ARHGAP12: variants seen among roughly 807,000 people sequenced by gnomAD.
ARHGAP12 encodes the protein Rho GTPase activating protein 12.
ARHGAP12 carries 64 observed loss-of-function variants against 108.6 expected under a neutral mutation model. That is an observed-to-expected ratio of 0.59 (90% CI 0.48 to 0.73). ARHGAP12 has a LOEUF of 0.73. ARHGAP12 is among the 30% of genes least tolerant of loss of function. ARHGAP12 has a pLI of 0.00. For synonymous variants in ARHGAP12, 312 were observed against 337.2 expected (o/e 0.93, Z 0.82); for missense variants, 940 against 1,005.9 (o/e 0.93, Z 0.89).
In ARHGAP12 at chr10:31,807,763, T is replaced by C. The variant is rs1215199220; in HGVS notation, c.2436A>G (p.Leu812=). 1.2e-6 allele frequency: 2 copies of C among 1,608,268 alleles called. No homozygotes were observed. The highest frequency in any genetic ancestry group is 2.2e-5 in the East Asian group (1 of 44,592). The change falls in exon 20 of 20, where the codon CTA becomes CTG. Residue 812 remains leucine (L), a synonymous_variant. Coordinates refer to ENST00000344936, the MANE Select transcript of ARHGAP12 (RefSeq NM_018287.7). The stretch of plus-strand genomic sequence containing the variant: ...TACCAGTCTCTTTTTCTGGTTTTAA[T>C]AGAGTGGGACCAAAAACAATTGCTA... ...QSIAIVFGPT[L]LKPEKETGNI...
intron 3 of ARHGAP12, among the ~76,000 whole-genome samples, chr10:31,870,046 A>T (rs1837480352): frequency 6.6e-6 from 1 of 152,176 alleles, no homozygotes; most frequent in African/African-American, 2.4e-5. Flanking sequence ...GCCTATAATC[A>T]TACCTTTGAT....
In ARHGAP12 at chr10:31,839,586, T is replaced by C. The variant is rs780974492; in HGVS notation, c.1371+51A>G. ...TTAAGAGTAAATTAACTTGCTAAAATTGATTGAAATAACTGGACTACATTA... is the reference window on the plus strand; with the variant it reads ...TTAAGAGTAAATTAACTTGCTAAAACTGATTGAAATAACTGGACTACATTA... On this transcript the variant is annotated intron_variant, in intron 8 of 19. Coordinates refer to ENST00000344936, the MANE Select transcript of ARHGAP12 (RefSeq NM_018287.7). 4.1e-6 allele frequency: 6 copies of C among 1,470,526 alleles called. No homozygotes were observed. The South Asian group carries it at 6.5e-5, about 16-fold the overall frequency. The allele number at this position is 1,470,526 out of a possible 1,614,324, so 91.1% of individuals were successfully genotyped here. A position where few individuals can be genotyped will look rare whatever the true frequency, so the allele number is the denominator to read the frequency against.
At chr10:31,895,541 G>A (rs1207763329) in intron 3 of ARHGAP12, among the ~76,000 whole-genome samples, 2 of 152,152 alleles carry the variant, frequency 1.3e-5, no homozygotes, top group Non-Finnish European at 2.9e-5. Flanking sequence ...ACCATAATGC[G>A]ATACCATCTC....
At chr10:31,896,691 G>A (rs566652156) in intron 3 of ARHGAP12, among the ~76,000 whole-genome samples, 30 of 152,260 alleles carry the variant, frequency 2.0e-4, no homozygotes, top group Middle Eastern at 3.4e-3. Flanking sequence ...TAAAATCAGT[G>A]AGTGAGTTAG....
At chr10:31,867,670 G>GT (rs1837377207) in intron 3 of ARHGAP12, among the ~76,000 whole-genome samples, 1 of 152,068 alleles carries the variant, frequency 6.6e-6, no homozygotes, top group Non-Finnish European at 1.5e-5. Context: ...AAGTTTGGCA[G>GT]TATGTTTCAA....
At chr10:31,833,082 C>A (rs535557501) in intron 9 of ARHGAP12, among the ~76,000 whole-genome samples, 1 of 151,386 alleles carries the variant, frequency 6.6e-6, no homozygotes, top group South Asian at 2.1e-4. Flanking sequence ...CATAAACCTT[C>A]ATGTTGAGGG....
Position 31,852,612 on chromosome 10 carries a change from C to G in ARHGAP12, c.1090-15G>C. 1 of 1,577,862 alleles carries G rather than the reference C, an allele frequency of 6.3e-7. No homozygotes were observed. The highest frequency in any genetic ancestry group is 1.4e-5 in the African/African-American group (1 of 74,034). On this transcript the variant is annotated splice_polypyrimidine_tract_variant and intron_variant, in intron 5 of 19. Coordinates refer to ENST00000344936, the MANE Select transcript of ARHGAP12 (RefSeq NM_018287.7). The stretch of plus-strand genomic sequence containing the variant: ...TGCTTGAGCCACTATAAAAACAGAA[C>G]AGGTGTTTTTTATTAAATTTAAATA...
At chr10:31,868,278 TAAAAC>T (rs986320074) in intron 3 of ARHGAP12, among the ~76,000 whole-genome samples, 37 of 150,528 alleles carry the variant, frequency 2.5e-4, no homozygotes, top group African/African-American at 8.5e-4. Flanking sequence ...AAGCAGAAAA[TAAAAC>T]AATACAATGA....
At chr10:31,837,883 C>T (rs548406299) in intron 9 of ARHGAP12, among the ~76,000 whole-genome samples, 49 of 152,248 alleles carry the variant, frequency 3.2e-4, no homozygotes, top group African/African-American at 1.1e-3. Context: ...CAAATATTTA[C>T]TGAGCAGCTA....
intron 3 of ARHGAP12, among the ~76,000 whole-genome samples, chr10:31,894,511 A>G (rs1215699205): frequency 1.6e-4 from 24 of 152,078 alleles, no homozygotes; most frequent in East Asian, 3.9e-4. Context: ...GCTTCAAAGA[A>G]AATAAAATAC....
intron 12 of ARHGAP12, among the ~76,000 whole-genome samples, chr10:31,820,161 A>T (rs1835353221): frequency 6.6e-6 from 1 of 152,138 alleles, no homozygotes; most frequent in South Asian, 2.1e-4. Context: ...AAAAGATAGG[A>T]TTTGTGAAAC....
chr10:31,838,062 A>G (rs1231420358), intron 9 of ARHGAP12, among the ~76,000 whole-genome samples: 1 of 152,192 alleles, frequency 6.6e-6, no homozygotes, highest in Non-Finnish European at 1.5e-5. Context: ...AAATACTATG[A>G]AGAGTATTAT....
intron 11 of ARHGAP12, 89 bp from the exon 12 acceptor site, chr10:31,820,577 A>G: frequency 1.6e-6 from 1 of 644,004 alleles, no homozygotes; most frequent in Non-Finnish European, 2.4e-6. Flanking sequence ...TATATTAACA[A>G]TAAATCAAAT....
chr10:31,892,584 A>T (rs539846356), intron 3 of ARHGAP12, among the ~76,000 whole-genome samples: 1 of 152,380 alleles, frequency 6.6e-6, no homozygotes, highest in South Asian at 2.1e-4. Flanking sequence ...CCAATACAGG[A>T]GCACCCAGAT....
intron 3 of ARHGAP12, among the ~76,000 whole-genome samples, chr10:31,903,500 T>C (rs528097157): frequency 6.6e-6 from 1 of 152,262 alleles, no homozygotes; most frequent in South Asian, 2.1e-4. Context: ...TATAAAGGCA[T>C]GATCTATAAA....
At chr10:31,835,360 A>G (rs2132216402) in intron 9 of ARHGAP12, among the ~76,000 whole-genome samples, 1 of 152,286 alleles carries the variant, frequency 6.6e-6, no homozygotes, top group African/African-American at 2.4e-5. Context: ...AATATATACA[A>G]ACTTATACAT....
chr10:31,852,381 TCA>T (rs1178736425), intron 6 of ARHGAP12, 134 bp downstream of exon 6: 5 of 728,976 alleles, frequency 6.9e-6, no homozygotes, highest in East Asian at 2.8e-5. Context: ...CTCACAGTAT[TCA>T]CAGTGAATTC....
At chr10:31,817,677 T>C (rs1479294117) in intron 13 of ARHGAP12, 111 bp downstream of exon 13, 1 of 651,544 alleles carries the variant, frequency 1.5e-6, no homozygotes, top group Non-Finnish European at 2.6e-6. Flanking sequence ...GTCAAACATA[T>C]ATAAAGTGCC....
At chr10:31,850,037 G>A (rs562471339) in intron 6 of ARHGAP12, among the ~76,000 whole-genome samples, 1 of 152,200 alleles carries the variant, frequency 6.6e-6, no homozygotes, top group Non-Finnish European at 1.5e-5. Flanking sequence ...TCCCTTCAAA[G>A]GACCCTGACC....
Sources: allele counts gnomAD v4.1 joint callset (sites outside exome capture counted in the v4.1 genomes callset), GRCh38; gene constraint gnomAD v4.1.1; transcripts MANE v1.5; gene names NCBI Gene and HGNC (gene_info 2026-07-23, HGNC 2026-07-21).